Variants in CCSER1 observed in about 807,000 individuals in gnomAD.
The protein encoded by CCSER1 is coiled-coil serine rich protein 1.
CCSER1 carries 41 observed loss-of-function variants against 82.0 expected under a neutral mutation model. The ratio of observed to expected loss-of-function variants is 0.50; its 90% CI spans 0.39 to 0.65. The LOEUF (loss-of-function observed/expected upper bound fraction) is 0.65, where lower values mean the gene tolerates loss of function less well. Ranked by LOEUF, CCSER1 falls within the 30% of genes least tolerant of loss-of-function variation. The pLI is 0.00. For missense variants in CCSER1, 1,119 were observed against 1,064.2 expected (o/e 1.05, Z -0.72); for synonymous variants, 414 against 383.9 (o/e 1.08, Z -0.92).
At chr4:91,078,768 G>A (rs1158859880) in intron 9 of CCSER1, among the ~76,000 whole-genome samples, 1 of 152,166 alleles carries the variant, frequency 6.6e-6, no homozygotes, top group East Asian at 1.9e-4. Flanking sequence ...CATGGCACGA[G>A]AACTACGTGA....
chr4:91,554,417 C>CA (rs1238877595), intron 10 of CCSER1, among the ~76,000 whole-genome samples: 2 of 150,594 alleles, frequency 1.3e-5, no homozygotes, highest in Non-Finnish European at 3.0e-5. Context: ...AATAAACTGT[C>CA]AAAAAAGAAG....
intron 5 of CCSER1, among the ~76,000 whole-genome samples, chr4:90,529,566 T>A (rs1774230298): frequency 6.6e-6 from 1 of 152,148 alleles, no homozygotes; most frequent in Non-Finnish European, 1.5e-5. Flanking sequence ...CTACTGATAT[T>A]TCCTAAAAAC....
At chr4:91,190,735 A>G (rs1734925435) in intron 10 of CCSER1, among the ~76,000 whole-genome samples, 1 of 152,186 alleles carries the variant, frequency 6.6e-6, no homozygotes, top group African/African-American at 2.4e-5. Flanking sequence ...TAAAAAGTAC[A>G]TTGTCTTACG....
intron 6 of CCSER1, among the ~76,000 whole-genome samples, chr4:90,711,388 A>G (rs1314359402): frequency 6.6e-6 from 1 of 151,992 alleles, no homozygotes; most frequent in Non-Finnish European, 1.5e-5. Context: ...GCTGTGAGAG[A>G]GGGTATCTTT....
intron 9 of CCSER1, among the ~76,000 whole-genome samples, chr4:90,998,568 T>C (rs2150468525): frequency 6.6e-6 from 1 of 152,298 alleles, no homozygotes; most frequent in East Asian, 1.9e-4. Context: ...TTTGCAAAGA[T>C]AAAAATGATT....
intron 5 of CCSER1, among the ~76,000 whole-genome samples, chr4:90,536,457 A>C (rs550797790): frequency 6.6e-6 from 1 of 152,310 alleles, no homozygotes; most frequent in South Asian, 2.1e-4. Flanking sequence ...AAACATACTC[A>C]TGGCTCATCC....
In CCSER1 at chr4:91,299,164, G is replaced by A. The variant is rs951974307; in HGVS notation, c.2217+213170G>A. 2.0e-5 allele frequency among the ~76,000 whole-genome samples: 3 copies of A among 151,838 alleles called. No homozygotes were observed. The South Asian group carries it at 6.2e-4, about 32-fold the overall frequency. On this transcript the variant is annotated intron_variant, in intron 10 of 10. Transcript: ENST00000509176. ...CATATATTAAAATATTAAATATTAT[G>A]GTAAAATTTAAGCTCCATAATGCCC... is the stretch of plus-strand genomic sequence containing the variant.
At chr4:91,319,113 TC>T in intron 10 of CCSER1, 1 of 279,320 alleles carries the variant, frequency 3.6e-6, no homozygotes, top group Non-Finnish European at 7.2e-6. Flanking sequence ...ACAGACGGTA[TC>T]AGCTTCTGGA....
chr4:90,499,392 C>T (rs1769501567), intron 5 of CCSER1, among the ~76,000 whole-genome samples: 1 of 152,038 alleles, frequency 6.6e-6, no homozygotes, highest in Non-Finnish European at 1.5e-5. Context: ...AAGTGTCTCC[C>T]ATTTTCTGCC....
intron 1 of CCSER1, among the ~76,000 whole-genome samples, chr4:90,276,587 C>A (rs57144592): frequency 0.036 from 5,518 of 152,002 alleles, 267 homozygotes; most frequent in East Asian, 0.23. Flanking sequence ...CTCAGTTGAT[C>A]CACCTGCCTT....
At chr4:90,806,757 G>A (rs1034772627) in intron 7 of CCSER1, among the ~76,000 whole-genome samples, 1 of 152,030 alleles carries the variant, frequency 6.6e-6, no homozygotes, top group Non-Finnish European at 1.5e-5. Context: ...CTCAACAGGG[G>A]GATTTCTGTA....
chr4:90,383,611 G>A (rs559831658), intron 3 of CCSER1, among the ~76,000 whole-genome samples: 4 of 152,026 alleles, frequency 2.6e-5, no homozygotes, highest in Admixed American at 1.3e-4. Context: ...ACACACACAC[G>A]AAGGGAAGCG....
At chr4:91,564,018 T>C (rs1428861890) in intron 10 of CCSER1, among the ~76,000 whole-genome samples, 1 of 151,818 alleles carries the variant, frequency 6.6e-6, no homozygotes, top group Non-Finnish European at 1.5e-5. Context: ...TAGTTATCTT[T>C]TCTGCTCCTT....
At chr4:90,668,603 A>C (rs535400424) in intron 6 of CCSER1, among the ~76,000 whole-genome samples, 1 of 152,286 alleles carries the variant, frequency 6.6e-6, no homozygotes, top group African/African-American at 2.4e-5. Context: ...AAGGATATGA[A>C]AAATCATATA....
chr4:90,725,527 T>C (rs1471396341), intron 7 of CCSER1, among the ~76,000 whole-genome samples: 1 of 151,492 alleles, frequency 6.6e-6, no homozygotes, highest in Non-Finnish European at 1.5e-5. Flanking sequence ...GAAAGGAATA[T>C]TGCCTATATC....
chr4:90,434,570 G>T (rs1365602485), intron 4 of CCSER1, among the ~76,000 whole-genome samples: 1 of 152,080 alleles, frequency 6.6e-6, no homozygotes, highest in African/African-American at 2.4e-5. Context: ...GAGCTGAGAA[G>T]GAAATGAAGC....
At chr4:90,611,090 A>G in intron 5 of CCSER1, among the ~76,000 whole-genome samples, 1 of 64,106 alleles carries the variant, frequency 1.6e-5, no homozygotes, top group Admixed American at 1.5e-4. Flanking sequence ...GTAGAGATAG[A>G]GTTTTACCAT....
In CCSER1 at chr4:90,931,034, T is replaced by C. The variant is rs1420943103; in HGVS notation, c.2172+7587T>C. Among the ~76,000 whole-genome samples the C allele has an allele frequency of 3.2e-5, 4 of 123,738 alleles. No homozygotes were observed. The East Asian group carries it at 1.3e-3, about 39-fold the overall frequency. 81.2% of individuals were successfully genotyped at this position (123,738 alleles called of 152,430 possible). A position where few individuals can be genotyped will look rare whatever the true frequency, so the allele number is the denominator to read the frequency against. On this transcript the variant is annotated intron_variant, in intron 9 of 10. Coordinates refer to ENST00000509176, the MANE Select transcript of CCSER1 (RefSeq NM_001145065.2). ...CTTGAAATATATATATATATATCTT[T>C]GACATATATTTGAAATATATATATT...
At chr4:91,007,675 C>CAA (rs55642634) in intron 9 of CCSER1, among the ~76,000 whole-genome samples, 6 of 133,178 alleles carry the variant, frequency 4.5e-5, no homozygotes, top group Non-Finnish European at 8.1e-5. Flanking sequence ...TTTATCTTCT[C>CAA]AAAAAAAAAA....
Sources: gnomAD v4.1 joint callset for allele counts (sites outside exome capture counted in the v4.1 genomes callset) on GRCh38, gnomAD v4.1.1 for gene constraint, MANE v1.5 for transcripts, NCBI Gene and HGNC (gene_info 2026-07-23, HGNC 2026-07-21) for gene names.